The following SUPV3L1 variants were observed in gnomAD, a reference collection of about 807,000 sequenced individuals.
SUPV3L1 encodes Suv3 like RNA helicase.
Under a neutral mutation model 70.0 loss-of-function variants are expected in SUPV3L1, and 35 were observed. That is an observed-to-expected ratio of 0.50 (90% confidence interval 0.38 to 0.66). The LOEUF (loss-of-function observed/expected upper bound fraction) is 0.66, where lower values mean the gene tolerates loss of function less well. Among genes scored for constraint, SUPV3L1 ranks in the 30% least tolerant of loss-of-function variants. SUPV3L1 has a pLI of 0.00. For missense variants in SUPV3L1, 777 were observed against 961.5 expected (o/e 0.81, Z 2.54); for synonymous variants, 364 against 341.9 (o/e 1.06, Z -0.71).
At chr10:69,196,675 A>G (rs1842552600) in intron 7 of SUPV3L1, among the ~76,000 whole-genome samples, 1 of 152,158 alleles carries the variant, frequency 6.6e-6, no homozygotes, top group Non-Finnish European at 1.5e-5. Flanking sequence ...CCTAATTTGA[A>G]AAACACAAGT....
At chr10:69,182,004 T>G (rs961111452) in intron 1 of SUPV3L1, among the ~76,000 whole-genome samples, 1 of 151,510 alleles carries the variant, frequency 6.6e-6, no homozygotes, top group African/African-American at 2.4e-5. Context: ...CTTTACTTTT[T>G]TTTTTTTAGA....
intron 6 of SUPV3L1, among the ~76,000 whole-genome samples, chr10:69,193,480 G>T (rs1399472377): frequency 1.4e-5 from 2 of 147,074 alleles, no homozygotes; most frequent in Non-Finnish European, 3.0e-5. Context: ...TTGAGACAGG[G>T]TCTCACTCCT....
At chr10:69,184,612 TAA>T (rs1198859178) in intron 1 of SUPV3L1, among the ~76,000 whole-genome samples, 3 of 59,258 alleles carry the variant, frequency 5.1e-5, no homozygotes, top group Admixed American at 1.8e-4. Flanking sequence ...ATCTGAAATA[TAA>T]ATACACACAC....
In SUPV3L1 at chr10:69,201,131, G is replaced by C. The variant is rs149004308; in HGVS notation, c.1518+632G>C. ...GGAGAGAAGCTTCCAGGGGAAGGCT[G>C]TGCTGGAATCATTTCTGTAACTTCT... On this transcript the variant is annotated intron_variant, in intron 11 of 14. Coordinates refer to ENST00000359655, the MANE Select transcript of SUPV3L1 (RefSeq NM_003171.5). Among the ~76,000 whole-genome samples the C allele has an allele frequency of 1.8e-3, 268 of 152,294 alleles. 5 individuals carry two copies. The highest frequency in any genetic ancestry group is 0.016 in the Admixed American group (245 of 15,294).
At chr10:69,194,548 C>T (rs1372923194) in intron 6 of SUPV3L1, among the ~76,000 whole-genome samples, 1 of 151,810 alleles carries the variant, frequency 6.6e-6, no homozygotes, top group Non-Finnish European at 1.5e-5. Context: ...GACGGGGTTT[C>T]ACCATATTGG....
intron 13 of SUPV3L1, 73 bp downstream of exon 13, chr10:69,203,116 T>A: frequency 6.9e-7 from 1 of 1,448,222 alleles, no homozygotes; most frequent in Non-Finnish European, 9.3e-7. Flanking sequence ...ACTTTGTTAT[T>A]CAAAATAAAA....
intron 14 of SUPV3L1, 135 bp downstream of exon 14, chr10:69,208,076 C>G: frequency 9.0e-7 from 1 of 1,116,806 alleles, no homozygotes; most frequent in Non-Finnish European, 1.3e-6. Context: ...TCCATAAAGG[C>G]AATTCAACTG....
At chr10:69,199,593 A>C (rs565710123) in intron 10 of SUPV3L1, among the ~76,000 whole-genome samples, 3 of 152,054 alleles carry the variant, frequency 2.0e-5, no homozygotes, top group Admixed American at 6.6e-5. Context: ...CTGTTGCCCA[A>C]GCTAGTCTCT....
At chr10:69,206,523 A>G (rs1842833217) in intron 13 of SUPV3L1, among the ~76,000 whole-genome samples, 4 of 152,186 alleles carry the variant, frequency 2.6e-5, no homozygotes. Context: ...CTGGGATGCA[A>G]CATGGTTTTG....
At chr10:69,200,193 C>A in intron 10 of SUPV3L1, 87 bp from the exon 11 acceptor site, 1 of 1,071,328 alleles carries the variant, frequency 9.3e-7, no homozygotes, top group Non-Finnish European at 1.4e-6. Context: ...AGGACCTAAG[C>A]TAGTATTGGA....
chr10:69,199,851 T>G (rs1009366818), intron 10 of SUPV3L1, among the ~76,000 whole-genome samples: 1 of 152,016 alleles, frequency 6.6e-6, no homozygotes, highest in Non-Finnish European at 1.5e-5. Context: ...ATTTATGTAT[T>G]TATTTATTTC....
At position 69,186,439 on chromosome 10, in the gene SUPV3L1, A is replaced by G. The variant is rs186698709; in HGVS notation, c.350-4A>G. 5.9e-4 allele frequency: 949 copies of G among 1,609,268 alleles called. 2 individuals are homozygous for G. In the African/African-American group the frequency reaches 0.011, roughly 18 times the overall value. On this transcript the variant is annotated splice_polypyrimidine_tract_variant and splice_region_variant and intron_variant, in intron 2 of 14. Coordinates refer to ENST00000359655, the MANE Select transcript of SUPV3L1 (RefSeq NM_003171.5). ...TTACATCTTTTCATTTTGTGTTTCT[A>G]CAGCTCGTCTCTTCCACCAAGCTTT...
At chr10:69,194,759 T>C (rs1310019386) in intron 6 of SUPV3L1, among the ~76,000 whole-genome samples, 2 of 151,662 alleles carry the variant, frequency 1.3e-5, no homozygotes, top group Non-Finnish European at 2.9e-5. Context: ...TGTATGACAG[T>C]GAGACACTGT....
chr10:69,199,964 C>T (rs1264533623), intron 10 of SUPV3L1, among the ~76,000 whole-genome samples: 1 of 152,092 alleles, frequency 6.6e-6, no homozygotes, highest in Non-Finnish European at 1.5e-5. Flanking sequence ...TGTGCCTCAG[C>T]CCCCCGAGTA....
At chr10:69,200,665 T>C (rs1474519119) in intron 11 of SUPV3L1, among the ~76,000 whole-genome samples, 166 bp downstream of exon 11, 2 of 152,200 alleles carry the variant, frequency 1.3e-5, no homozygotes, top group Non-Finnish European at 1.5e-5. Context: ...TTTATTGCTT[T>C]GGAGAGCCAC....
At chr10:69,194,903 C>A (rs1842498995) in intron 6 of SUPV3L1, among the ~76,000 whole-genome samples, 1 of 149,784 alleles carries the variant, frequency 6.7e-6, no homozygotes, top group African/African-American at 2.5e-5. Flanking sequence ...TTCATCTCTG[C>A]ATTTAACTGT....
chr10:69,188,652 C>T (rs1842303204), intron 4 of SUPV3L1, among the ~76,000 whole-genome samples: 1 of 152,142 alleles, frequency 6.6e-6, no homozygotes, highest in African/African-American at 2.4e-5. Context: ...GCGTGTGCTA[C>T]CACACCTGGT....
intron 12 of SUPV3L1, 128 bp downstream of exon 12, chr10:69,202,647 A>C: frequency 8.7e-7 from 1 of 1,148,532 alleles, no homozygotes; most frequent in Middle Eastern, 2.0e-4. Context: ...TTTATTTTAC[A>C]AGTGAAAATT....
chr10:69,188,353 T>G (rs1001224487), intron 4 of SUPV3L1, among the ~76,000 whole-genome samples: 2 of 152,176 alleles, frequency 1.3e-5, no homozygotes, highest in Non-Finnish European at 2.9e-5. Context: ...CATATTCTGC[T>G]TGGGTTCCAC....
Sources: gnomAD v4.1 joint callset for allele counts (sites outside exome capture counted in the v4.1 genomes callset) on GRCh38, gnomAD v4.1.1 for gene constraint, MANE v1.5 for transcripts, NCBI Gene and HGNC (gene_info 2026-07-23, HGNC 2026-07-21) for gene names.